BDNF: variants seen among roughly 807,000 people sequenced by gnomAD.
BDNF encodes the protein neurotrophic factor BDNF precursor form.
BDNF carries 1 observed loss-of-function variant against 19.5 expected under a neutral mutation model. That is an observed-to-expected ratio of 0.05 (90% CI 0.02 to 0.24). The LOEUF (loss-of-function observed/expected upper bound fraction) is 0.24, where lower values mean the gene tolerates loss of function less well. Among genes scored for constraint, BDNF ranks in the 10% least tolerant of loss-of-function variants. The pLI is 1.00. For synonymous variants in BDNF, 100 were observed against 121.6 expected, an observed-to-expected ratio of 0.82 and a Z score of 1.17; for missense variants, 195 against 317.6, an observed-to-expected ratio of 0.61 and a Z score of 2.93.
chr11:27,711,117 C>T (rs754686624), intron 1 of BDNF, among the ~76,000 whole-genome samples: 1 of 152,206 alleles, frequency 6.6e-6, no homozygotes, highest in Non-Finnish European at 1.5e-5. Context: ...TAGGTTTGAA[C>T]CCAGCTTTGC....
At chr11:27,683,718 A>G (rs1857132843) in intron 1 of BDNF, among the ~76,000 whole-genome samples, 1 of 152,150 alleles carries the variant, frequency 6.6e-6, no homozygotes, top group African/African-American at 2.4e-5. Context: ...ATGGTTGTAG[A>G]TGTGTGGCGT....
intron 1 of BDNF, among the ~76,000 whole-genome samples, chr11:27,692,618 C>T (rs1427711857): frequency 6.6e-6 from 1 of 152,206 alleles, no homozygotes; most frequent in Non-Finnish European, 1.5e-5. Flanking sequence ...GCTGGGATTA[C>T]AGGCATGAGC....
chr11:27,700,528 C>A (rs1280667247), upstream of BDNF: 23 of 502,518 alleles, frequency 4.6e-5, no homozygotes, highest in South Asian at 2.8e-4. Context: ...CCGCCCCCCC[C>A]CCCCCGCCCC....
At chr11:27,698,576 A>G (rs1859467820) in intron 1 of BDNF, among the ~76,000 whole-genome samples, 1 of 152,194 alleles carries the variant, frequency 6.6e-6, no homozygotes, top group Non-Finnish European at 1.5e-5. Context: ...AAACTCATAT[A>G]AAAATAGATT....
chr11:27,712,682 A>AT (rs906477546), intron 1 of BDNF, among the ~76,000 whole-genome samples: 80 of 145,926 alleles, frequency 5.5e-4, no homozygotes, highest in East Asian at 1.2e-3. Flanking sequence ...CGCCCAGCTA[A>AT]TTTTTTTTTT....
At chr11:27,688,051 T>G (rs1292436931) in intron 1 of BDNF, among the ~76,000 whole-genome samples, 2 of 151,678 alleles carry the variant, frequency 1.3e-5, no homozygotes, top group African/African-American at 4.8e-5. Context: ...GAGATGGGAG[T>G]TTTATCTATA....
chr11:27,680,601 C>A (rs892634996), intron 1 of BDNF, among the ~76,000 whole-genome samples: 3 of 152,122 alleles, frequency 2.0e-5, no homozygotes, highest in Non-Finnish European at 4.4e-5. Flanking sequence ...TAGCAAGTAC[C>A]TACAGAGCCA....
Position 27,656,997 on chromosome 11 carries a change from C to T in BDNF, c.*824G>A, listed in dbSNP as rs1218417355. On this transcript the variant is annotated 3_prime_UTR_variant, in exon 2 of 2. Coordinates refer to ENST00000356660, the MANE Select transcript of BDNF (RefSeq NM_001709.5). Reference sequence around the variant, plus strand: ...GTGTTCTGAGCAAACATAGGTCCTTCCGTCAAAAGCAGCTTACTCTGACCA... The same window carrying T: ...GTGTTCTGAGCAAACATAGGTCCTTTCGTCAAAAGCAGCTTACTCTGACCA... 7 of 985,274 alleles carry T rather than the reference C, an allele frequency of 7.1e-6. No individual in the cohort carries two copies. Among genetic ancestry groups the T allele is most frequent in the Non-Finnish European group, 8.4e-6 (7 of 829,966 alleles). 61.0% of individuals were successfully genotyped at this position (985,274 alleles called of 1,614,324 possible). A position where few individuals can be genotyped will look rare whatever the true frequency, so the allele number is the denominator to read the frequency against.
intron 1 of BDNF, among the ~76,000 whole-genome samples, chr11:27,670,583 CA>C (rs1290178728): frequency 3.9e-5 from 6 of 152,096 alleles, no homozygotes; most frequent in African/African-American, 1.4e-4. Context: ...ATGACCCCAT[CA>C]AAAAGTGGGT....
chr11:27,669,539 G>T (rs929653221), intron 1 of BDNF, among the ~76,000 whole-genome samples: 2 of 152,182 alleles, frequency 1.3e-5, no homozygotes, highest in Non-Finnish European at 2.9e-5. Context: ...TCCTTAAGCT[G>T]ATAAGCAACT....
chr11:27,674,261 G>T (rs909900837), intron 1 of BDNF: 52 of 1,573,216 alleles, frequency 3.3e-5, no homozygotes, highest in Non-Finnish European at 4.4e-5. Context: ...TGCACTCATG[G>T]AGAAAACTGG....
In BDNF at chr11:27,655,474, A is replaced by G. The variant is rs1852437507; in HGVS notation, c.*2347T>C. On this transcript the variant is annotated 3_prime_UTR_variant, in exon 2 of 2. Transcript: ENST00000356660. ...GTTTTAAATTTGTCCCTCAAAAGGA[A>G]GCTGCATAAAGTTGACATACAGCAG... 2 of 152,246 alleles carry G rather than the reference A, an allele frequency of 1.3e-5. No individual in the cohort carries two copies. Among genetic ancestry groups the G allele is most frequent in the South Asian group, 2.1e-4 (1 of 4,826 alleles). 9.4% of individuals were successfully genotyped at this position (152,246 alleles called of 1,614,324 possible).
intron 1 of BDNF, chr11:27,677,563 GA>G (rs1856318090): frequency 7.2e-6 from 1 of 138,412 alleles, no homozygotes; most frequent in African/African-American, 2.6e-5. Flanking sequence ...GGGTGGGGGG[GA>G]AATAATAGTA....
At chr11:27,709,540 T>C (rs1860244675) in intron 1 of BDNF, among the ~76,000 whole-genome samples, 1 of 152,222 alleles carries the variant, frequency 6.6e-6, no homozygotes, top group African/African-American at 2.4e-5. Flanking sequence ...CTGTCCATTG[T>C]TTCCTTTTGA....
chr11:27,667,852 G>A (rs1043724382), intron 1 of BDNF, among the ~76,000 whole-genome samples: 2 of 151,994 alleles, frequency 1.3e-5, no homozygotes, highest in Non-Finnish European at 2.9e-5. Context: ...ATATTAGACA[G>A]ATCAACAAGA....
chr11:27,703,098 T>C (rs1441231522), upstream of BDNF, among the ~76,000 whole-genome samples: 4 of 152,208 alleles, frequency 2.6e-5, no homozygotes, highest in Non-Finnish European at 4.4e-5. Context: ...ACAGCACAGA[T>C]GGCAGAGTTT....
intron 1 of BDNF, among the ~76,000 whole-genome samples, chr11:27,687,447 C>T (rs951235023): frequency 2.0e-5 from 3 of 152,190 alleles, no homozygotes; most frequent in African/African-American, 7.2e-5. Flanking sequence ...GTTTTGTTCC[C>T]TTGCTGGCAA....
intron 1 of BDNF, among the ~76,000 whole-genome samples, chr11:27,681,103 G>A (rs1283075532): frequency 6.6e-6 from 1 of 152,174 alleles, no homozygotes; most frequent in African/African-American, 2.4e-5. Context: ...TTATTAGGAA[G>A]CAAGTTCCCT....
chr11:27,699,747 A>C (rs1590459289), intron 1 of BDNF: 11 of 1,284,708 alleles, frequency 8.6e-6, no homozygotes, highest in South Asian at 3.6e-5. Context: ...GGGACCACCC[A>C]CCCCCTGGAA....
Sources: allele counts gnomAD v4.1 joint callset (sites outside exome capture counted in the v4.1 genomes callset), GRCh38; gene constraint gnomAD v4.1.1; transcripts MANE v1.5; gene names NCBI Gene and HGNC (gene_info 2026-07-23, HGNC 2026-07-21).